The following NFE2L3 variants were observed in gnomAD, a reference collection of about 807,000 sequenced individuals.
NFE2L3 encodes nuclear factor erythroid 2-related factor 3.
NFE2L3 carries 18 observed loss-of-function variants against 23.5 expected under a neutral mutation model. The observed-to-expected ratio is 0.77, with a 90% confidence interval of 0.53 to 1.13. The LOEUF (loss-of-function observed/expected upper bound fraction) is 1.13. Among genes scored for constraint, NFE2L3 ranks in the 50% most tolerant of loss-of-function variants. The pLI is 0.00. For synonymous variants in NFE2L3, 424 were observed against 354.5 expected, an observed-to-expected ratio of 1.20 and a Z score of -2.20; for missense variants, 1,152 against 877.2, an observed-to-expected ratio of 1.31 and a Z score of -3.96.
intron 1 of NFE2L3, among the ~76,000 whole-genome samples, chr7:26,173,306 C>G (rs1784353489): frequency 6.6e-6 from 1 of 152,158 alleles, no homozygotes; most frequent in Non-Finnish European, 1.5e-5. Flanking sequence ...TGATCAATTT[C>G]TCTATGGGCT....
At chr7:26,178,409 G>C (rs929937894) in intron 2 of NFE2L3, among the ~76,000 whole-genome samples, 15 of 152,156 alleles carry the variant, frequency 9.9e-5, no homozygotes, top group African/African-American at 3.4e-4. Flanking sequence ...GTTTGCCAAG[G>C]CAAGTGATGA....
intron 2 of NFE2L3, among the ~76,000 whole-genome samples, chr7:26,180,954 T>C (rs1192111291): frequency 6.6e-6 from 1 of 151,990 alleles, no homozygotes. Context: ...CACATCTTCG[T>C]GTACTTAACA....
chr7:26,184,066 TATC>T, intron 3 of NFE2L3: 2 of 445,218 alleles, frequency 4.5e-6, no homozygotes, highest in Non-Finnish European at 8.0e-6. Flanking sequence ...GAAATCAGTG[TATC>T]AAAGGGACAC....
At chr7:26,180,455 C>T (rs1562677208) in intron 2 of NFE2L3, among the ~76,000 whole-genome samples, 2 of 152,202 alleles carry the variant, frequency 1.3e-5, no homozygotes, top group African/African-American at 4.8e-5. Context: ...ACTCTCCCCA[C>T]AGCATACATA....
Position 26,153,055 on chromosome 7 carries a change from G to A in NFE2L3, c.557G>A (p.Gly186Glu), listed in dbSNP as rs777037197. 7 of 1,527,256 alleles carry A rather than the reference G, an allele frequency of 4.6e-6. No homozygotes were observed. In the South Asian group the frequency reaches 8.4e-5, roughly 18 times the overall value. 94.6% of individuals were successfully genotyped at this position (1,527,256 alleles called of 1,614,324 possible). ...ACGGCTCAGGTGCCGGACGCTGGCGGATGTGCGAGCGAGGTAGGTGCAGAG... is the reference window on the plus strand; with the variant it reads ...ACGGCTCAGGTGCCGGACGCTGGCGAATGTGCGAGCGAGGTAGGTGCAGAG... ...EPTAQVPDAGGCASEENGVLR... is the reference protein window; with the variant it reads ...EPTAQVPDAGECASEENGVLR... Residue 186 changes from glycine to glutamate, a missense_variant, in exon 1 of 4, where the codon GGA (glycine) becomes GAA (glutamate). Gly to Glu is a moderately conservative substitution (Grantham distance 98, BLOSUM62 -2). Coordinates refer to ENST00000056233, the MANE Select transcript of NFE2L3 (RefSeq NM_004289.7).
intron 1 of NFE2L3, among the ~76,000 whole-genome samples, chr7:26,163,831 A>G (rs1281267498): frequency 2.0e-4 from 30 of 149,058 alleles, no homozygotes; most frequent in Admixed American, 1.7e-3. Flanking sequence ...AACAGGCCCC[A>G]GTGTGTGATG....
intron 2 of NFE2L3, among the ~76,000 whole-genome samples, chr7:26,182,022 A>G (rs73093886): frequency 6.6e-6 from 1 of 151,992 alleles, no homozygotes; most frequent in Admixed American, 6.5e-5. Context: ...AAACTATAAA[A>G]TATGAAAGAT....
chr7:26,174,713 T>C (rs1386828604), intron 1 of NFE2L3: 2 of 152,220 alleles, frequency 1.3e-5, no homozygotes, highest in Non-Finnish European at 2.9e-5. Flanking sequence ...AATTGCCATT[T>C]CTTCAACCTT....
intron 1 of NFE2L3, among the ~76,000 whole-genome samples, chr7:26,156,895 G>C (rs905531921): frequency 6.6e-6 from 1 of 151,980 alleles, no homozygotes; most frequent in Non-Finnish European, 1.5e-5. Flanking sequence ...GGAGGATTAC[G>C]AGATCAAGAC....
At chr7:26,153,478 GT>G (rs1784030990) in intron 1 of NFE2L3, among the ~76,000 whole-genome samples, 1 of 152,154 alleles carries the variant, frequency 6.6e-6, no homozygotes. Context: ...GAGGATGCAT[GT>G]TTTTAAGAAC....
chr7:26,154,592 C>G (rs1287307208), intron 1 of NFE2L3, among the ~76,000 whole-genome samples: 1 of 152,108 alleles, frequency 6.6e-6, no homozygotes, highest in Non-Finnish European at 1.5e-5. Context: ...GCTCTGTTGC[C>G]CAGGCTGGAG....
chr7:26,152,388 TG>T lies in NFE2L3; in HGVS notation c.-108del. ...GCCCCGGTCCATTGTTTCGCTTATC[TG>T]GGTTCCAGGCAGGTGCGGGCGGCGC... On this transcript the variant is annotated 5_prime_UTR_variant, in exon 1 of 4. Coordinates refer to ENST00000056233, the MANE Select transcript of NFE2L3 (RefSeq NM_004289.7). This position sits in a 1 kb window ranked among gnomAD's most constrained non-coding sequence, Gnocchi z 4.4. 1 of 740,876 alleles carries T rather than the reference TG, an allele frequency of 1.3e-6. No individual in the cohort carries two copies. The allele number at this position is 740,876 out of a possible 1,614,324, so 45.9% of individuals were successfully genotyped here. A position where few individuals can be genotyped will look rare whatever the true frequency, so the allele number is the denominator to read the frequency against.
chr7:26,165,812 G>A (rs1005070558), intron 1 of NFE2L3, among the ~76,000 whole-genome samples: 1 of 152,094 alleles, frequency 6.6e-6, no homozygotes, highest in Non-Finnish European at 1.5e-5. Flanking sequence ...ATTAGTTTGA[G>A]ATACGTCCCA....
chr7:26,173,123 A>T (rs996668618), intron 1 of NFE2L3, among the ~76,000 whole-genome samples: 1 of 152,046 alleles, frequency 6.6e-6, no homozygotes, highest in African/African-American at 2.4e-5. Context: ...TTATTATATT[A>T]TACCTAATTT....
In NFE2L3 at chr7:26,183,750, A is replaced by C. The variant is rs1170986825; in HGVS notation, c.800A>C (p.Gln267Pro). Residue 267 changes from glutamine to proline, a missense_variant, in exon 3 of 4, where the codon CAG (glutamine) becomes CCG (proline). By Grantham distance (76) the Gln-to-Pro change is moderately conservative (BLOSUM62 -1). Coordinates refer to ENST00000056233, the MANE Select transcript of NFE2L3 (RefSeq NM_004289.7). ...DTSFSLEDLFQLLSSQPENSL... is the reference protein window; with the variant it reads ...DTSFSLEDLFPLLSSQPENSL... ...TCTTTCTCTCTGGAAGACTTATTCC[A>C]GTTGCTTTCATCACAGCCTGAAAAT... is the stretch of plus-strand genomic sequence containing the variant. 6.2e-7 allele frequency: 1 copy of C among 1,612,994 alleles called. No individual in the cohort carries two copies. The highest frequency in any genetic ancestry group is 2.2e-5 in the East Asian group (1 of 44,864).
chr7:26,184,036 G>A, intron 3 of NFE2L3: 1 of 489,902 alleles, frequency 2.0e-6, no homozygotes, highest in East Asian at 3.5e-5. Context: ...AGAATTATCA[G>A]GTATTTATCC....
intron 1 of NFE2L3, among the ~76,000 whole-genome samples, chr7:26,175,489 T>C (rs897573704): frequency 6.6e-6 from 1 of 151,680 alleles, no homozygotes; most frequent in Non-Finnish European, 1.5e-5. Flanking sequence ...TTTATAATAA[T>C]AGTTTCCGCC....
At position 26,186,484 on chromosome 7, in the gene NFE2L3, T is replaced by TA. The variant is rs1782490925; in HGVS notation, c.*703dup. 2.0e-5 allele frequency: 3 copies of TA among 152,170 alleles called. No individual in the cohort carries two copies. Among genetic ancestry groups the TA allele is most frequent in the Admixed American group, 1.3e-4 (2 of 15,268 alleles). 9.4% of individuals were successfully genotyped at this position (152,170 alleles called of 1,614,324 possible). ...AAATCCACCCCCCTACCCCAATACT[T>TA]AACACACAGAATACTATGTGATATA... On this transcript the variant is annotated 3_prime_UTR_variant, in exon 4 of 4. Coordinates refer to ENST00000056233, the MANE Select transcript of NFE2L3 (RefSeq NM_004289.7).
chr7:26,172,849 T>A (rs1183096924), intron 1 of NFE2L3, among the ~76,000 whole-genome samples: 1 of 152,156 alleles, frequency 6.6e-6, no homozygotes, highest in Admixed American at 6.5e-5. Context: ...TCTCCTGTAG[T>A]GTTATTATTT....
Sources: allele counts gnomAD v4.1 joint callset (sites outside exome capture counted in the v4.1 genomes callset), GRCh38; gene constraint gnomAD v4.1.1; non-coding constraint Gnocchi (gnomAD v3.1); transcripts MANE v1.5; gene names NCBI Gene and HGNC (gene_info 2026-07-23, HGNC 2026-07-21).